The following GPM6A variants were observed in gnomAD, a reference collection of about 807,000 sequenced individuals.
GPM6A encodes glycoprotein M6A.
In GPM6A, 7 loss-of-function variants were observed where a neutral mutation model predicts 32.1. The observed-to-expected ratio is 0.22, with a 90% CI of 0.12 to 0.41. The LOEUF is 0.41. GPM6A is among the 10% of genes least tolerant of loss of function. GPM6A has a pLI of 1.00. For missense variants in GPM6A, 235 were observed against 347.2 expected, an observed-to-expected ratio of 0.68 and a Z score of 2.57; for synonymous variants, 130 against 123.4, an observed-to-expected ratio of 1.05 and a Z score of -0.35.
upstream of GPM6A, among the ~76,000 whole-genome samples, chr4:175,813,323 G>A (rs1735001864): frequency 6.6e-6 from 1 of 152,214 alleles, no homozygotes; most frequent in African/African-American, 2.4e-5. Flanking sequence ...TCACAATGCT[G>A]CAGTCTGGCG....
rs181968481 is a variant in GPM6A at position 175,698,368 on chromosome 4, A to T, written c.230+3207T>A. Among the ~76,000 whole-genome samples the T allele has an allele frequency of 1.9e-3, 283 of 152,296 alleles. 2 individuals are homozygous for T. The highest frequency in any genetic ancestry group is 6.2e-3 in the African/African-American group (258 of 41,578). On this transcript the variant is annotated intron_variant, in intron 2 of 6. Transcript: ENST00000393658. ...TTTCTCCACAATTATGCTCTTATAC[A>T]TTCTTTTCCAAACCTACCTTAGTTG...
chr4:175,807,339 T>A (rs1462080447), intron 1 of GPM6A: 1 of 152,214 alleles, frequency 6.6e-6, no homozygotes, highest in Non-Finnish European at 1.5e-5. Context: ...TGATTCAGCT[T>A]CGACTCACCA....
chr4:175,751,373 G>C (rs1732329434), intron 1 of GPM6A, among the ~76,000 whole-genome samples: 1 of 152,036 alleles, frequency 6.6e-6, no homozygotes, highest in Non-Finnish European at 1.5e-5. Flanking sequence ...TTAATACCTA[G>C]AATGGCAACT....
chr4:175,957,117 A>C (rs1740012247), intron 1 of GPM6A, among the ~76,000 whole-genome samples: 2 of 152,226 alleles, frequency 1.3e-5, no homozygotes, highest in African/African-American at 4.8e-5. Context: ...TGCACCTTGG[A>C]AATGTTCAGA....
intron 1 of GPM6A, among the ~76,000 whole-genome samples, chr4:175,945,934 A>G (rs1579652183): frequency 1.3e-5 from 2 of 152,164 alleles, no homozygotes; most frequent in Admixed American, 1.3e-4. Flanking sequence ...CTTATAACTA[A>G]GTAATACGGG....
intron 1 of GPM6A, among the ~76,000 whole-genome samples, chr4:175,976,388 G>C (rs914573582): frequency 6.7e-6 from 1 of 148,954 alleles, no homozygotes; most frequent in Non-Finnish European, 1.5e-5. Flanking sequence ...CGATGGTCTC[G>C]ATCTCCTGAC....
At chr4:175,790,715 T>A (rs1733979083) in intron 1 of GPM6A, among the ~76,000 whole-genome samples, 2 of 152,328 alleles carry the variant, frequency 1.3e-5, no homozygotes, top group South Asian at 4.1e-4. Context: ...ATCCTTTTCG[T>A]TATTGTTTTA....
At chr4:175,747,987 C>G (rs1383900286) in intron 1 of GPM6A, among the ~76,000 whole-genome samples, 2 of 152,104 alleles carry the variant, frequency 1.3e-5, no homozygotes, top group Admixed American at 1.3e-4. Context: ...GATTCTATCT[C>G]AAGAAAACTT....
At chr4:175,725,517 T>C (rs1465931239) in intron 1 of GPM6A, among the ~76,000 whole-genome samples, 1 of 152,090 alleles carries the variant, frequency 6.6e-6, no homozygotes, top group Non-Finnish European at 1.5e-5. Flanking sequence ...GGTCTAGAAC[T>C]CCTGCCTCAA....
chr4:175,687,151 T>G (rs1212510822), intron 2 of GPM6A, among the ~76,000 whole-genome samples: 1 of 152,220 alleles, frequency 6.6e-6, no homozygotes, highest in African/African-American at 2.4e-5. Flanking sequence ...AGGAAAGTCA[T>G]GTTTCATTAT....
chr4:175,825,652 T>C (rs974123105), intron 1 of GPM6A, among the ~76,000 whole-genome samples: 24 of 152,286 alleles, frequency 1.6e-4, no homozygotes, highest in African/African-American at 5.8e-4. Flanking sequence ...ACATCACCCA[T>C]AGCCAAAATA....
At chr4:175,690,607 C>T (rs1379825209) in intron 2 of GPM6A, among the ~76,000 whole-genome samples, 1 of 152,180 alleles carries the variant, frequency 6.6e-6, no homozygotes, top group Admixed American at 6.5e-5. Flanking sequence ...GTGGCCTCTT[C>T]TCCTTCTTCA....
intron 1 of GPM6A, among the ~76,000 whole-genome samples, chr4:175,753,727 C>A (rs191589916): frequency 6.6e-6 from 1 of 152,258 alleles, no homozygotes; most frequent in African/African-American, 2.4e-5. Flanking sequence ...TACTTTCCAA[C>A]CCAGCATGCA....
At chr4:175,668,941 T>G (rs1377465714) in intron 3 of GPM6A, among the ~76,000 whole-genome samples, 1 of 152,196 alleles carries the variant, frequency 6.6e-6, no homozygotes, top group East Asian at 1.9e-4. Flanking sequence ...GTTAGCGGCA[T>G]GGACTCTGTG....
chr4:175,705,557 C>T (rs1745141589), intron 1 of GPM6A, among the ~76,000 whole-genome samples: 1 of 152,158 alleles, frequency 6.6e-6, no homozygotes, highest in Non-Finnish European at 1.5e-5. Context: ...GTATTCTCTC[C>T]AGCTGCCAGG....
At chr4:175,920,055 C>T (rs1738616285) in intron 1 of GPM6A, among the ~76,000 whole-genome samples, 2 of 152,264 alleles carry the variant, frequency 1.3e-5, no homozygotes, top group Non-Finnish European at 2.9e-5. Flanking sequence ...AAAGTAACCT[C>T]TAAAGGTGAT....
intron 1 of GPM6A, among the ~76,000 whole-genome samples, chr4:175,720,807 A>T (rs1001273387): frequency 6.6e-6 from 1 of 152,132 alleles, no homozygotes; most frequent in Non-Finnish European, 1.5e-5. Context: ...AATTCACAGC[A>T]AGAGAACCAA....
chr4:175,958,511 G>A (rs1157259315), intron 1 of GPM6A, among the ~76,000 whole-genome samples: 2 of 152,188 alleles, frequency 1.3e-5, no homozygotes, highest in African/African-American at 4.8e-5. Flanking sequence ...ATTGCTAACT[G>A]ATAGGGTGAC....
intron 1 of GPM6A, among the ~76,000 whole-genome samples, chr4:175,703,383 G>C (rs749036957): frequency 1.1e-4 from 17 of 152,120 alleles, no homozygotes; most frequent in Middle Eastern, 3.2e-3. Flanking sequence ...TGTTGGCCAG[G>C]CTGATCTCAA....
Sources: gnomAD v4.1 joint callset for allele counts (sites outside exome capture counted in the v4.1 genomes callset) on GRCh38, gnomAD v4.1.1 for gene constraint, MANE v1.5 for transcripts, NCBI Gene and HGNC (gene_info 2026-07-23, HGNC 2026-07-21) for gene names.